The following PCDH11X variants were observed in gnomAD, a reference collection of about 807,000 sequenced individuals.
PCDH11X encodes protocadherin-11 X-linked.
A neutral mutation model predicts 53.3 loss-of-function variants in PCDH11X; 18 were observed. That is an observed-to-expected ratio of 0.34 (90% CI 0.23 to 0.50). The LOEUF (loss-of-function observed/expected upper bound fraction) is 0.50. Ranked by LOEUF, PCDH11X falls within the 20% of genes least tolerant of loss-of-function variation. The pLI is 0.98. For synonymous variants in PCDH11X, 279 were observed against 393.3 expected (o/e 0.71, Z 3.44); for missense variants, 570 against 1,032.4 (o/e 0.55, Z 6.14).
At chrX:92,132,285 CAAAAAAAAAAAAAAAAAAAAAAAAA>C (rs778221916) in intron 6 of PCDH11X, among the ~76,000 whole-genome samples, 3 of 8,848 alleles carry the variant, frequency 3.4e-4, no homozygotes, top group Non-Finnish European at 4.0e-4. Context: ...ACCTCTGTCT[CAAAAAAAAAAAAAAAAAAAAAAAAA>C]AAAAAAAAAA....
At chrX:92,449,143 T>A (rs2072724642) in intron 9 of PCDH11X, among the ~76,000 whole-genome samples, 1 of 112,038 alleles carries the variant, frequency 8.9e-6, no homozygotes. Flanking sequence ...TCTGATTTTT[T>A]TGCTCATTCT....
chrX:92,200,294 G>A (rs2066367501), intron 6 of PCDH11X, among the ~76,000 whole-genome samples: 1 of 110,972 alleles, frequency 9.0e-6, no homozygotes, highest in Admixed American at 9.7e-5. Context: ...AGAGGATGTG[G>A]AAAAAGGGGA....
intron 6 of PCDH11X, among the ~76,000 whole-genome samples, chrX:91,882,255 C>T (rs895367418): frequency 4.5e-5 from 5 of 110,767 alleles, no homozygotes; most frequent in African/African-American, 1.6e-4. Context: ...ATTTTAAAAA[C>T]ATGAAATTTG....
chrX:92,526,585 C>A (rs1387536679), intron 10 of PCDH11X, among the ~76,000 whole-genome samples: 2 of 107,557 alleles, frequency 1.9e-5, no homozygotes, highest in Admixed American at 2.0e-4. Context: ...ATGAGATATC[C>A]TCTCACCCCA....
chrX:92,228,970 G>T (rs1188527504), intron 7 of PCDH11X, among the ~76,000 whole-genome samples: 1 of 111,398 alleles, frequency 9.0e-6, no homozygotes, highest in Non-Finnish European at 1.9e-5. Flanking sequence ...TACTCAAAGA[G>T]TATTTCTTTC....
At chrX:91,883,393 A>G (rs1227543171) in intron 6 of PCDH11X, 1 of 742,974 alleles carries the variant, frequency 1.3e-6, no homozygotes, top group Non-Finnish European at 1.6e-6. Context: ...GGCAAGAGAC[A>G]TTTTTAAGAC....
At chrX:91,857,700 T>C (rs1386202889) in intron 5 of PCDH11X, among the ~76,000 whole-genome samples, 1 of 112,031 alleles carries the variant, frequency 8.9e-6, no homozygotes, top group East Asian at 2.8e-4. Context: ...AATGATCTCC[T>C]TTGACACCAT....
chrX:92,051,759 C>T (rs189655722), intron 6 of PCDH11X, among the ~76,000 whole-genome samples: 1 of 111,070 alleles, frequency 9.0e-6, no homozygotes. Flanking sequence ...TAACTCTAGA[C>T]ATTCAGGTTA....
chrX:91,913,604 T>C (rs1277206778), intron 6 of PCDH11X, among the ~76,000 whole-genome samples: 8 of 110,285 alleles, frequency 7.3e-5, no homozygotes, highest in Non-Finnish European at 1.1e-4. Flanking sequence ...TGCCCCCACA[T>C]GACAGTATTT....
chrX:92,262,283 C>T (rs553959705), intron 7 of PCDH11X, among the ~76,000 whole-genome samples: 4 of 111,324 alleles, frequency 3.6e-5, no homozygotes, highest in Non-Finnish European at 5.7e-5. Context: ...GGAACTTTTG[C>T]ATAACTGTAA....
intron 9 of PCDH11X, among the ~76,000 whole-genome samples, chrX:92,458,917 T>C (rs897175768): frequency 1.8e-5 from 2 of 110,659 alleles, no homozygotes; most frequent in Non-Finnish European, 3.8e-5. Context: ...CTGGATCATA[T>C]GGTGGGTCTA....
intron 6 of PCDH11X, among the ~76,000 whole-genome samples, chrX:91,928,834 A>C (rs1942032176): frequency 9.0e-6 from 1 of 111,395 alleles, no homozygotes; most frequent in Non-Finnish European, 1.9e-5. Context: ...ATATCATAGA[A>C]TTAATCAAAT....
intron 6 of PCDH11X, among the ~76,000 whole-genome samples, chrX:92,007,215 C>G (rs1403359613): frequency 8.9e-6 from 1 of 112,075 alleles, no homozygotes; most frequent in Non-Finnish European, 1.9e-5. Context: ...CCCCCAGACC[C>G]TATGTGCGTC....
At chrX:91,915,655 G>A (rs976172054) in intron 6 of PCDH11X, among the ~76,000 whole-genome samples, 23 of 110,810 alleles carry the variant, frequency 2.1e-4, no homozygotes, top group South Asian at 1.6e-3. Flanking sequence ...TCGTATATAC[G>A]CACCTAACGC....
intron 10 of PCDH11X, among the ~76,000 whole-genome samples, chrX:92,531,997 G>A (rs2074565639): frequency 9.1e-6 from 1 of 110,356 alleles, no homozygotes; most frequent in African/African-American, 3.3e-5. Flanking sequence ...AGAAAATAAG[G>A]TCTAGTAAGT....
intron 10 of PCDH11X, among the ~76,000 whole-genome samples, chrX:92,490,722 AAGAAAGAGAGAAAGAG>A (rs1248836954): frequency 1.1e-5 from 1 of 95,005 alleles, no homozygotes; most frequent in East Asian, 4.8e-4. Flanking sequence ...GAAAGAAAGA[AAGAAAGAGAGAAAGAG>A]AGAAAGAGAG....
At chrX:92,206,921 A>C (rs1417057304) in intron 7 of PCDH11X, among the ~76,000 whole-genome samples, 1 of 111,590 alleles carries the variant, frequency 9.0e-6, no homozygotes, top group Non-Finnish European at 1.9e-5. Flanking sequence ...TATTCAACTA[A>C]TTAATGTGGA....
intron 6 of PCDH11X, among the ~76,000 whole-genome samples, chrX:92,188,959 G>T (rs1233933271): frequency 1.8e-5 from 2 of 111,391 alleles, no homozygotes; most frequent in Non-Finnish European, 3.8e-5. Flanking sequence ...AATTTGATTA[G>T]CATAAAGCCA....
intron 6 of PCDH11X, among the ~76,000 whole-genome samples, chrX:91,948,827 G>A (rs1040999216): frequency 3.6e-5 from 4 of 110,249 alleles, no homozygotes; most frequent in African/African-American, 1.3e-4. Flanking sequence ...GGCGTAAGGA[G>A]GATTCCTGCT....
Sources: gnomAD v4.1 joint callset for allele counts (sites outside exome capture counted in the v4.1 genomes callset) on GRCh38, gnomAD v4.1.1 for gene constraint, MANE v1.5 for transcripts, NCBI Gene and HGNC (gene_info 2026-07-23, HGNC 2026-07-21) for gene names.